FSTL5: variants seen among roughly 807,000 people sequenced by gnomAD.
FSTL5 encodes follistatin-related protein 5.
In FSTL5, 62 loss-of-function variants were observed where a neutral mutation model predicts 89.1. The observed-to-expected ratio is 0.70, with a 90% confidence interval of 0.57 to 0.86. The LOEUF (loss-of-function observed/expected upper bound fraction) is 0.86. FSTL5 is among the 40% of genes least tolerant of loss of function. The pLI is 0.00. For synonymous variants in FSTL5, 383 were observed against 346.2 expected (o/e 1.11, Z -1.18); for missense variants, 1,057 against 1,001.6 (o/e 1.06, Z -0.75).
At chr4:161,792,211 A>G (rs938148381) in intron 4 of FSTL5, among the ~76,000 whole-genome samples, 5 of 152,150 alleles carry the variant, frequency 3.3e-5, no homozygotes, top group African/African-American at 7.2e-5. Context: ...GCGCGTGTCC[A>G]AGGCAGTGCT....
At chr4:162,026,066 T>C (rs759846095) in intron 3 of FSTL5, among the ~76,000 whole-genome samples, 1 of 148,330 alleles carries the variant, frequency 6.7e-6, no homozygotes. Context: ...AAAACGGAAA[T>C]GTGATAGAAT....
intron 9 of FSTL5, among the ~76,000 whole-genome samples, chr4:161,540,058 C>T (rs1731766091): frequency 6.6e-6 from 1 of 152,062 alleles, no homozygotes; most frequent in Non-Finnish European, 1.5e-5. Context: ...CTTTCCTTCT[C>T]TTCCTATGTA....
At chr4:161,663,904 CT>C (rs1736797953) in intron 6 of FSTL5, among the ~76,000 whole-genome samples, 1 of 152,204 alleles carries the variant, frequency 6.6e-6, no homozygotes, top group Non-Finnish European at 1.5e-5. Flanking sequence ...TTCCTGACTT[CT>C]GTGCACCCAC....
chr4:161,533,253 T>C (rs2126533196), intron 10 of FSTL5, among the ~76,000 whole-genome samples: 1 of 149,836 alleles, frequency 6.7e-6, no homozygotes, highest in East Asian at 2.0e-4. Context: ...AATTGAGAAC[T>C]AAAAGTCCTT....
intron 3 of FSTL5, among the ~76,000 whole-genome samples, chr4:161,992,924 ATGTGTG>A (rs1240704660): frequency 0.091 from 1,073 of 11,836 alleles, 11 homozygotes; most frequent in East Asian, 0.24. Flanking sequence ...ATATATATAT[ATGTGTG>A]TATATATATA....
At chr4:161,397,182 C>T (rs963839162) in intron 15 of FSTL5, among the ~76,000 whole-genome samples, 12 of 151,924 alleles carry the variant, frequency 7.9e-5, no homozygotes, top group Admixed American at 6.6e-5. Context: ...GAAAACTATT[C>T]GATGATATTT....
chr4:161,726,400 CA>C (rs1354362774), intron 6 of FSTL5, among the ~76,000 whole-genome samples: 6 of 90,592 alleles, frequency 6.6e-5, no homozygotes, highest in African/African-American at 1.4e-4. Flanking sequence ...CTAATTTTTG[CA>C]TTTTTTAGTA....
At position 161,385,834 on chromosome 4, in the gene FSTL5, GAAGA is replaced by G; in HGVS notation, c.2453_2456del (p.Leu818ProfsTer3). The stretch of plus-strand genomic sequence containing the variant: ...ATTTATTGAGTCGTCCATCTAGGAT[GAAGA>G]GAGAGTCCTTGGAAGGTGTCATCAG... On this transcript the variant is annotated frameshift_variant, in exon 16 of 16. Transcript: ENST00000306100. LOFTEE classifies it high-confidence loss of function. The G allele has an allele frequency of 6.2e-7, 1 of 1,613,752 alleles. No homozygotes were observed. Among genetic ancestry groups the G allele is most frequent in the Non-Finnish European group, 8.5e-7 (1 of 1,179,802 alleles).
Position 161,585,587 on chromosome 4 carries a change from TAA to T in FSTL5, c.1015+1866_1015+1867del, listed in dbSNP as rs34372995. On this transcript the variant is annotated intron_variant, in intron 8 of 15. Transcript: ENST00000306100. ...ATTGGAGACATTCTCTCCCTAATGCTAAAAAAAAAAAAAAAAAAAGGCAGGGC... is the reference window on the plus strand; with the variant it reads ...ATTGGAGACATTCTCTCCCTAATGCTAAAAAAAAAAAAAAAAAGGCAGGGC... Among the ~76,000 whole-genome samples, 647 of 102,624 alleles carry T rather than the reference TAA, an allele frequency of 6.3e-3. 3 individuals carry two copies. Among genetic ancestry groups the T allele is most frequent in the African/African-American group, 0.02 (582 of 28,518 alleles). The allele number at this position is 102,624 out of a possible 152,430, so 67.3% of individuals were successfully genotyped here.
At chr4:161,569,178 A>T (rs893030204) in intron 8 of FSTL5, among the ~76,000 whole-genome samples, 6 of 152,178 alleles carry the variant, frequency 3.9e-5, no homozygotes, top group African/African-American at 1.4e-4. Flanking sequence ...ATGAGATCTC[A>T]CTATGTTACT....
At chr4:161,496,283 G>A (rs1047111871) in intron 12 of FSTL5, among the ~76,000 whole-genome samples, 1 of 152,160 alleles carries the variant, frequency 6.6e-6, no homozygotes. Context: ...GACTACAAGT[G>A]ATAGGAAGAT....
intron 1 of FSTL5, among the ~76,000 whole-genome samples, chr4:162,157,411 C>T: frequency 6.6e-6 from 1 of 151,902 alleles, no homozygotes; most frequent in South Asian, 2.1e-4. Context: ...TCCAGCAGAC[C>T]TTTGTAAATA....
At chr4:161,543,156 A>G (rs1308706186) in intron 8 of FSTL5, among the ~76,000 whole-genome samples, 2 of 152,076 alleles carry the variant, frequency 1.3e-5, no homozygotes, top group Non-Finnish European at 2.9e-5. Flanking sequence ...ATAGCCTGTT[A>G]GGAAATTAAT....
At chr4:162,049,336 T>A (rs1738306049) in intron 2 of FSTL5, among the ~76,000 whole-genome samples, 1 of 152,190 alleles carries the variant, frequency 6.6e-6, no homozygotes, top group African/African-American at 2.4e-5. Context: ...AGGCCCACTA[T>A]TAGCAAGATA....
chr4:161,751,120 A>G (rs1479153948), intron 6 of FSTL5, among the ~76,000 whole-genome samples: 4 of 152,124 alleles, frequency 2.6e-5, no homozygotes, highest in African/African-American at 9.7e-5. Flanking sequence ...GAAAAAAAGA[A>G]CCCTAAAGGC....
intron 5 of FSTL5, among the ~76,000 whole-genome samples, chr4:161,763,012 G>C (rs1259826866): frequency 2.0e-5 from 3 of 152,122 alleles, no homozygotes; most frequent in Non-Finnish European, 4.4e-5. Flanking sequence ...AATCAGGAAT[G>C]ACTCACTGTC....
chr4:161,574,023 G>A (rs984388994), intron 8 of FSTL5, among the ~76,000 whole-genome samples: 24 of 152,040 alleles, frequency 1.6e-4, no homozygotes, highest in South Asian at 4.1e-4. Context: ...TGCATTTATT[G>A]GCTGATGACT....
intron 15 of FSTL5, among the ~76,000 whole-genome samples, chr4:161,405,478 A>G (rs1368460687): frequency 6.6e-6 from 1 of 152,150 alleles, no homozygotes; most frequent in African/African-American, 2.4e-5. Flanking sequence ...AGAAAGAATC[A>G]GAAAATTTGC....
chr4:161,434,376 C>A (rs1732483899), intron 15 of FSTL5, among the ~76,000 whole-genome samples: 1 of 151,870 alleles, frequency 6.6e-6, no homozygotes. Context: ...AAAATTAGAC[C>A]CCCATCTCTT....
Sources: allele counts gnomAD v4.1 joint callset (sites outside exome capture counted in the v4.1 genomes callset), GRCh38; gene constraint gnomAD v4.1.1; transcripts MANE v1.5; gene names NCBI Gene and HGNC (gene_info 2026-07-23, HGNC 2026-07-21).